PLD5: variants seen among roughly 807,000 people sequenced by gnomAD.
The protein encoded by PLD5 is inactive phospholipase D5.
A neutral mutation model predicts 61.1 loss-of-function variants in PLD5; 36 were observed. That is an observed-to-expected ratio of 0.59 (90% CI 0.45 to 0.78). PLD5 has a LOEUF of 0.78. Ranked by LOEUF, PLD5 falls within the 30% of genes least tolerant of loss-of-function variation. The probability of loss-of-function intolerance (pLI) is 0.00; values close to 1 mark genes in which losing one functional copy is unlikely to be tolerated. For missense variants in PLD5, 515 were observed against 644.4 expected (o/e 0.80, Z 2.17); for synonymous variants, 243 against 242.8 (o/e 1.00, Z -0.01).
intron 1 of PLD5, among the ~76,000 whole-genome samples, chr1:242,495,932 G>C (rs1157286686): frequency 3.9e-5 from 6 of 152,194 alleles, no homozygotes; most frequent in African/African-American, 1.4e-4. Flanking sequence ...ATGTTGTCGT[G>C]TTTCATGTTT....
intron 4 of PLD5, among the ~76,000 whole-genome samples, chr1:242,257,799 CA>C (rs1673164315): frequency 6.6e-6 from 1 of 152,110 alleles, no homozygotes; most frequent in Non-Finnish European, 1.5e-5. Flanking sequence ...AAAGACCAAA[CA>C]GCACCTAGTG....
chr1:242,282,669 GA>G (rs1338604985), intron 3 of PLD5, among the ~76,000 whole-genome samples: 6 of 152,020 alleles, frequency 3.9e-5, no homozygotes, highest in African/African-American at 1.4e-4. Context: ...TAGAGTGTGA[GA>G]TTTTTTTTTT....
At chr1:242,299,180 T>C (rs1675889254) in intron 2 of PLD5, among the ~76,000 whole-genome samples, 1 of 152,138 alleles carries the variant, frequency 6.6e-6, no homozygotes, top group Non-Finnish European at 1.5e-5. Flanking sequence ...TCCATTTATG[T>C]GGTATATGAG....
intron 2 of PLD5, among the ~76,000 whole-genome samples, chr1:242,327,019 G>C (rs374954682): frequency 6.6e-6 from 1 of 151,976 alleles, no homozygotes; most frequent in Admixed American, 6.6e-5. Flanking sequence ...GTGCACACCA[G>C]CATGCCTGGC....
intron 2 of PLD5, among the ~76,000 whole-genome samples, chr1:242,320,777 G>T (rs1369617536): frequency 6.6e-6 from 1 of 152,194 alleles, no homozygotes; most frequent in African/African-American, 2.4e-5. Context: ...CACCTGGGGA[G>T]CTCAAAATCT....
Position 242,322,173 on chromosome 1 carries a change from G to A in PLD5, c.326+25933C>T, listed in dbSNP as rs1478163369. ...AGAGCCGGGGCTTCACAGCTTTGGA[G>A]CGTTGACTCCGCACCAGGCACTAGG... is the stretch of plus-strand genomic sequence containing the variant. On this transcript the variant is annotated intron_variant, in intron 2 of 9. Transcript: ENST00000536534. Among the ~76,000 whole-genome samples the A allele has an allele frequency of 7.2e-5, 11 of 152,314 alleles. No individual in the cohort carries two copies. The East Asian group carries it at 9.7e-4, about 13-fold the overall frequency.
chr1:242,289,115 A>G (rs577173060), intron 2 of PLD5, among the ~76,000 whole-genome samples: 1 of 152,350 alleles, frequency 6.6e-6, no homozygotes, highest in Non-Finnish European at 1.5e-5. Context: ...AGCTAAGAAA[A>G]GGATAAAATT....
chr1:242,150,861 A>AT (rs1664877679), intron 5 of PLD5, among the ~76,000 whole-genome samples: 1 of 151,432 alleles, frequency 6.6e-6, no homozygotes, highest in African/African-American at 2.4e-5. Context: ...TTCCTCATCT[A>AT]TTTGTTGTTT....
At position 242,100,780 on chromosome 1, in the gene PLD5, T is replaced by A. The variant is rs1214249190; in HGVS notation, c.1242A>T (p.Lys414Asn). ...TEIANCSLKVKFFDLERENAC... is the reference protein window; with the variant it reads ...TEIANCSLKVNFFDLERENAC... ...CATTCTCTCTTTCCAGATCAAAAAA[T>A]TTCTGTAAGAAAAAAAAAAAGGGGG... Residue 414 changes from lysine to asparagine, a missense_variant and splice_region_variant, in exon 9 of 10, where the codon AAA (lysine) becomes AAT (asparagine). By Grantham distance (94) the Lys-to-Asn change is moderately conservative. Transcript: ENST00000536534. 3.7e-6 allele frequency: 6 copies of A among 1,606,864 alleles called. No individual in the cohort carries two copies. Among genetic ancestry groups the A allele is most frequent in the Admixed American group, 3.4e-5 (2 of 58,806 alleles).
chr1:242,184,242 G>GCTATTTTT (rs1667728090), intron 5 of PLD5, among the ~76,000 whole-genome samples: 1 of 152,088 alleles, frequency 6.6e-6, no homozygotes, highest in Non-Finnish European at 1.5e-5. Flanking sequence ...TAGCTTCCGT[G>GCTATTTTT]GTGACCAGAG....
intron 9 of PLD5, among the ~76,000 whole-genome samples, chr1:242,098,057 G>A (rs1297196534): frequency 6.6e-6 from 1 of 152,092 alleles, no homozygotes; most frequent in Non-Finnish European, 1.5e-5. Flanking sequence ...CTCTTCTCAA[G>A]GAGTATCTTT....
At chr1:242,458,853 T>C (rs2654863) in intron 1 of PLD5, among the ~76,000 whole-genome samples, 72,610 of 152,080 alleles carry the variant, frequency 0.48, 17,761 homozygotes, top group Non-Finnish European at 0.52. Flanking sequence ...TGGGAATCTT[T>C]CCCTTCTATC....
chr1:242,229,551 T>C (rs983298940), intron 4 of PLD5, among the ~76,000 whole-genome samples: 1 of 152,210 alleles, frequency 6.6e-6, no homozygotes, highest in African/African-American at 2.4e-5. Context: ...TTGGGAAGAA[T>C]TGACATATGT....
intron 2 of PLD5, among the ~76,000 whole-genome samples, chr1:242,311,409 G>A (rs1356722756): frequency 6.6e-6 from 1 of 152,210 alleles, no homozygotes; most frequent in East Asian, 1.9e-4. Context: ...TCAAGGTGAA[G>A]CCTGAGAATT....
chr1:242,158,542 C>G (rs1290249661), intron 5 of PLD5, among the ~76,000 whole-genome samples: 1 of 152,122 alleles, frequency 6.6e-6, no homozygotes, highest in Non-Finnish European at 1.5e-5. Flanking sequence ...GGCTCAGTCC[C>G]CCACAGCTTA....
At chr1:242,219,322 G>C (rs1008063783) in intron 5 of PLD5, among the ~76,000 whole-genome samples, 5 of 152,144 alleles carry the variant, frequency 3.3e-5, no homozygotes, top group African/African-American at 1.2e-4. Context: ...GACAATATCT[G>C]TGTGTAGGTG....
chr1:242,375,887 C>T (rs1163312781), intron 1 of PLD5, among the ~76,000 whole-genome samples: 4 of 152,092 alleles, frequency 2.6e-5, no homozygotes, highest in Admixed American at 2.6e-4. Flanking sequence ...AGTTGCACAT[C>T]CCAACTCTAA....
intron 1 of PLD5, among the ~76,000 whole-genome samples, chr1:242,494,534 C>T (rs1394721862): frequency 1.3e-5 from 2 of 152,154 alleles, no homozygotes. Context: ...CTGGAGCACA[C>T]ATCTCCCCGC....
intron 1 of PLD5, among the ~76,000 whole-genome samples, chr1:242,402,033 G>A (rs1262053897): frequency 6.6e-6 from 1 of 152,216 alleles, no homozygotes; most frequent in Non-Finnish European, 1.5e-5. Context: ...GCTTCCGCCT[G>A]CACCATGCTT....
Sources: allele counts gnomAD v4.1 joint callset (sites outside exome capture counted in the v4.1 genomes callset), GRCh38; gene constraint gnomAD v4.1.1; transcripts MANE v1.5; gene names NCBI Gene and HGNC (gene_info 2026-07-23, HGNC 2026-07-21).